COBL: variants seen among roughly 807,000 people sequenced by gnomAD.
COBL encodes cordon-bleu WH2 repeat protein, also known as protein cordon-bleu.
Under a neutral mutation model 98.8 loss-of-function variants are expected in COBL, and 51 were observed. The ratio of observed to expected loss-of-function variants is 0.52; its 90% CI spans 0.41 to 0.65. The LOEUF (loss-of-function observed/expected upper bound fraction) is 0.65. Among genes scored for constraint, COBL ranks in the 30% least tolerant of loss-of-function variants. The pLI, the probability that COBL is intolerant of heterozygous loss-of-function variation, is 0.00. For missense variants in COBL, 1,617 were observed against 1,617.5 expected (o/e 1.00, Z 0.01); for synonymous variants, 634 against 651.7 (o/e 0.97, Z 0.41).
At chr7:51,135,840 C>T (rs2129006086) in intron 6 of COBL, among the ~76,000 whole-genome samples, 1 of 152,314 alleles carries the variant, frequency 6.6e-6, no homozygotes, top group South Asian at 2.1e-4. Flanking sequence ...TCAGAAAAAT[C>T]TCAGTCCAGG....
At chr7:51,263,721 G>T (rs1338898923) in intron 1 of COBL, among the ~76,000 whole-genome samples, 2 of 152,292 alleles carry the variant, frequency 1.3e-5, no homozygotes, top group African/African-American at 4.8e-5. Context: ...GGGCTGCCCA[G>T]CAAGGCCTGG....
At chr7:51,042,742 T>C (rs941935295) in intron 8 of COBL, among the ~76,000 whole-genome samples, 1 of 152,176 alleles carries the variant, frequency 6.6e-6, no homozygotes, top group Non-Finnish European at 1.5e-5. Context: ...CTAATGAATA[T>C]ATGACAAGAT....
chr7:51,235,795 A>G (rs2190940), intron 1 of COBL, among the ~76,000 whole-genome samples: 105,517 of 151,936 alleles, frequency 0.69, 37,287 homozygotes, highest in East Asian at 0.82. Flanking sequence ...AGCTTGGCCC[A>G]ACATGGGAGG....
intron 8 of COBL, 111 bp from the exon 9 acceptor site, chr7:51,031,020 C>A: frequency 1.3e-6 from 1 of 751,960 alleles, no homozygotes; most frequent in Non-Finnish European, 2.3e-6. Context: ...TTCAAGCAGT[C>A]ACATACTCAC....
chr7:51,226,521 G>A (rs867970856), intron 1 of COBL, among the ~76,000 whole-genome samples: 7 of 86,490 alleles, frequency 8.1e-5, no homozygotes, highest in African/African-American at 2.2e-4. Context: ...TCACCACTGC[G>A]TTGAGTGAGT....
At chr7:51,214,547 C>T (rs970897910) in intron 2 of COBL, among the ~76,000 whole-genome samples, 3 of 151,982 alleles carry the variant, frequency 2.0e-5, no homozygotes, top group Non-Finnish European at 4.4e-5. Flanking sequence ...ATTTTTTGGC[C>T]TACATCTTGG....
At chr7:51,213,326 C>T (rs770391566) in intron 2 of COBL, among the ~76,000 whole-genome samples, 2 of 152,206 alleles carry the variant, frequency 1.3e-5, no homozygotes, top group Non-Finnish European at 2.9e-5. Context: ...GCTCCATCTC[C>T]CGTCCAACCG....
intron 7 of COBL, among the ~76,000 whole-genome samples, chr7:51,044,384 CCTAG>C (rs1288562198): frequency 2.6e-5 from 4 of 152,262 alleles, no homozygotes; most frequent in South Asian, 2.1e-4. Flanking sequence ...TGCGCAACTA[CCTAG>C]CTATTTGTAG....
intron 5 of COBL, among the ~76,000 whole-genome samples, chr7:51,150,753 C>A (rs980435286): frequency 1.3e-5 from 2 of 152,180 alleles, no homozygotes; most frequent in Non-Finnish European, 2.9e-5. Context: ...CAAGATTGGG[C>A]AGAGACCACA....
chr7:51,141,734 AG>A (rs1322043657), intron 5 of COBL, among the ~76,000 whole-genome samples: 3 of 151,980 alleles, frequency 2.0e-5, no homozygotes, highest in Non-Finnish European at 4.4e-5. Flanking sequence ...AGGTGTTGAC[AG>A]GACTCAAGGC....
At chr7:51,316,358 G>T (rs1042731325) in intron 1 of COBL, 4 of 319,540 alleles carry the variant, frequency 1.3e-5, no homozygotes, top group African/African-American at 8.7e-5. Flanking sequence ...GTGCGCTCCG[G>T]CCCCGGCCCG....
At chr7:51,221,906 G>A (rs566973152) in intron 1 of COBL, among the ~76,000 whole-genome samples, 2 of 152,292 alleles carry the variant, frequency 1.3e-5, no homozygotes, top group East Asian at 3.9e-4. Context: ...AACATTCAGG[G>A]GCCAGGTGTG....
At chr7:51,287,109 G>A (rs1800437700) in intron 1 of COBL, among the ~76,000 whole-genome samples, 1 of 152,182 alleles carries the variant, frequency 6.6e-6, no homozygotes, top group Admixed American at 6.5e-5. Context: ...CGATGTTGGA[G>A]GTGGGGAGGA....
At chr7:51,058,302 C>T (rs1790968699) in intron 7 of COBL, among the ~76,000 whole-genome samples, 5 of 152,104 alleles carry the variant, frequency 3.3e-5, no homozygotes, top group Admixed American at 3.3e-4. Flanking sequence ...AATCCCAGCA[C>T]TTTGGGAGGC....
At chr7:51,044,480 C>T (rs964399450) in intron 7 of COBL, among the ~76,000 whole-genome samples, 1 of 152,128 alleles carries the variant, frequency 6.6e-6, no homozygotes, top group Non-Finnish European at 1.5e-5. Flanking sequence ...ATCACAGAAG[C>T]CTCTATGCAA....
rs1467622758 is a variant in COBL at position 51,304,145 on chromosome 7, A to C, written c.41+12448T>G. ...AGCTTGGAAAGTGATGGTGTGAGAG[A>C]GGCAGCCACACCTGCATGATGGAGG... On this transcript the variant is annotated intron_variant, in intron 1 of 12. Transcript: ENST00000265136. Among the ~76,000 whole-genome samples the C allele has an allele frequency of 2.0e-5, 3 of 152,270 alleles. No homozygotes were observed. In the East Asian group the frequency reaches 5.8e-4, roughly 29 times the overall value.
In COBL at chr7:51,018,902, AAAAATATAT is replaced by A. The variant is rs1342399378; in HGVS notation, c.3769-1343_3769-1335del. ...GAGAAACTCCATCTCAAAAAAAAAA[AAAAATATAT>A]ATATATATATATATATATATATATA... is the stretch of plus-strand genomic sequence containing the variant. On this transcript the variant is annotated intron_variant, in intron 12 of 12. Coordinates refer to ENST00000265136, the MANE Select transcript of COBL (RefSeq NM_015198.5). Among the ~76,000 whole-genome samples the A allele has an allele frequency of 7.6e-5, 4 of 52,628 alleles. 1 individual carries two copies. The highest frequency in any genetic ancestry group is 1.7e-4 in the African/African-American group (2 of 12,098). 34.5% of individuals were successfully genotyped at this position (52,628 alleles called of 152,430 possible).
intron 6 of COBL, among the ~76,000 whole-genome samples, chr7:51,098,584 T>G (rs1332771688): frequency 2.0e-5 from 3 of 152,128 alleles, no homozygotes; most frequent in African/African-American, 7.2e-5. Context: ...AATTGGGCCC[T>G]TACCGTTAAC....
chr7:51,017,478 T>C lies in COBL; in HGVS notation c.*73A>G, dbSNP rs1252375271. On this transcript the variant is annotated 3_prime_UTR_variant, in exon 13 of 13. Coordinates refer to ENST00000265136, the MANE Select transcript of COBL (RefSeq NM_015198.5). Reference sequence around the variant, plus strand: ...AACACCAAAACTTGATGTTCCTGGCTATGCAGACTCCTTGAGTGACGCCTG... The same window carrying C: ...AACACCAAAACTTGATGTTCCTGGCCATGCAGACTCCTTGAGTGACGCCTG... 5.4e-6 allele frequency: 8 copies of C among 1,478,330 alleles called. No individual in the cohort carries two copies. The highest frequency in any genetic ancestry group is 1.9e-6 in the Non-Finnish European group (2 of 1,056,550). 91.6% of individuals were successfully genotyped at this position (1,478,330 alleles called of 1,614,324 possible).
Sources: gnomAD v4.1 joint callset for allele counts (sites outside exome capture counted in the v4.1 genomes callset) on GRCh38, gnomAD v4.1.1 for gene constraint, MANE v1.5 for transcripts, NCBI Gene and HGNC (gene_info 2026-07-23, HGNC 2026-07-21) for gene names.